The following ETF1 variants were observed in gnomAD, a reference collection of about 807,000 sequenced individuals.
ETF1 encodes the protein eukaryotic translation termination factor 1.
Under a neutral mutation model 55.1 loss-of-function variants are expected in ETF1, and 4 were observed. The ratio of observed to expected loss-of-function variants is 0.07; its 90% CI spans 0.04 to 0.17. The LOEUF (loss-of-function observed/expected upper bound fraction) is 0.17. Ranked by LOEUF, ETF1 falls within the 10% of genes least tolerant of loss-of-function variation. ETF1 has a pLI of 1.00. For missense variants in ETF1, 142 were observed against 523.6 expected (o/e 0.27, Z 7.11); for synonymous variants, 157 against 182.3 (o/e 0.86, Z 1.12).
intron 2 of ETF1, among the ~76,000 whole-genome samples, chr5:138,527,782 T>A (rs553106001): frequency 3.3e-5 from 5 of 152,208 alleles, no homozygotes; most frequent in African/African-American, 1.2e-4. Context: ...TCTTTTCTTT[T>A]TTTTTTTGAG....
intron 10 of ETF1, 41 bp from the exon 11 acceptor site, chr5:138,508,428 G>T: frequency 1.9e-6 from 3 of 1,610,628 alleles, no homozygotes; most frequent in Non-Finnish European, 2.5e-6. Context: ...TGTGTTCATG[G>T]GATGGGCATG....
intron 2 of ETF1, among the ~76,000 whole-genome samples, chr5:138,526,552 C>T (rs1324813362): frequency 1.3e-5 from 2 of 152,054 alleles, no homozygotes; most frequent in Non-Finnish European, 2.9e-5. Context: ...CCCCCTGCCC[C>T]CCAGGATGGA....
At chr5:138,541,303 T>A (rs1766162218) in intron 2 of ETF1, among the ~76,000 whole-genome samples, 1 of 152,154 alleles carries the variant, frequency 6.6e-6, no homozygotes, top group South Asian at 2.1e-4. Flanking sequence ...CAAGTTCCTG[T>A]AAGATCATTA....
intron 2 of ETF1, chr5:138,529,687 T>TCAAA: frequency 1.0e-6 from 1 of 984,820 alleles, no homozygotes; most frequent in Non-Finnish European, 1.2e-6. Flanking sequence ...GTCTGAAAAA[T>TCAAA]CAAACAGGTG....
chr5:138,542,612 C>A lies in ETF1; in HGVS notation c.86+221G>T, dbSNP rs528946435. On this transcript the variant is annotated intron_variant, in intron 2 of 10. Coordinates refer to ENST00000360541, the MANE Select transcript of ETF1 (RefSeq NM_004730.4). The stretch of plus-strand genomic sequence containing the variant: ...CACGAGGGGGGCCGAGTGATCTAAA[C>A]CGGGGAGCGCGGGCCCCTTACCCCC... 1.8e-5 allele frequency: 25 copies of A among 1,418,394 alleles called. No homozygotes were observed. In the Admixed American group the frequency reaches 7.0e-4, roughly 40 times the overall value. The allele number at this position is 1,418,394 out of a possible 1,614,324, so 87.9% of individuals were successfully genotyped here.
rs1765424503 is a variant in ETF1, at chr5:138,525,354, C to T, written c.87-6487G>A. Among the ~76,000 whole-genome samples the T allele has an allele frequency of 1.3e-5, 2 of 151,562 alleles. 1 individual carries two copies. Among genetic ancestry groups the T allele is most frequent in the Non-Finnish European group, 2.9e-5 (2 of 67,888 alleles). On this transcript the variant is annotated intron_variant, in intron 2 of 10. Coordinates refer to ENST00000360541, the MANE Select transcript of ETF1 (RefSeq NM_004730.4). ...TGTATTTTTAGTAGAGATAAGGTTT[C>T]ACTATGTTGGCCAGGCTGGTCTCGA...
intron 2 of ETF1, chr5:138,529,805 T>A: frequency 1.5e-6 from 1 of 680,944 alleles, no homozygotes; most frequent in Non-Finnish European, 1.8e-6. Flanking sequence ...CAGACTGGAG[T>A]GCAGTGGCAC....
intron 2 of ETF1, among the ~76,000 whole-genome samples, chr5:138,524,123 T>C (rs1765353849): frequency 6.6e-6 from 1 of 151,532 alleles, no homozygotes. Context: ...GAGGCAGAGG[T>C]TGCGGTGCAG....
At chr5:138,528,898 G>GACAT (rs1428725289) in intron 2 of ETF1, among the ~76,000 whole-genome samples, 1 of 152,088 alleles carries the variant, frequency 6.6e-6, no homozygotes, top group Non-Finnish European at 1.5e-5. Flanking sequence ...TGTAATCCCA[G>GACAT]GACTTTGGGA....
At chr5:138,542,580 G>A in intron 2 of ETF1, 1 of 1,364,648 alleles carries the variant, frequency 7.3e-7, no homozygotes, top group Admixed American at 3.1e-5. Context: ...AAGTAGCGGT[G>A]GCCTACCACG....
In ETF1 at chr5:138,508,262, T is replaced by G. The variant is rs745841566; in HGVS notation, c.*43A>C. On this transcript the variant is annotated 3_prime_UTR_variant, in exon 11 of 11. Transcript: ENST00000360541. ...CCATGGGTATGCTCCTTGGGTTGGA[T>G]GCTGGAGGGTGAGGCACGTTTTGCC... is the stretch of plus-strand genomic sequence containing the variant. The G allele has an allele frequency of 6.2e-7, 1 of 1,601,632 alleles. No individual in the cohort carries two copies. Among genetic ancestry groups the G allele is most frequent in the Non-Finnish European group, 8.5e-7 (1 of 1,174,008 alleles).
At chr5:138,537,379 G>T (rs1252374414) in intron 2 of ETF1, among the ~76,000 whole-genome samples, 2 of 152,136 alleles carry the variant, frequency 1.3e-5, no homozygotes, top group Non-Finnish European at 2.9e-5. Flanking sequence ...TCTCTATGTG[G>T]CAAATGTGGT....
chr5:138,510,129 A>T (rs1386966568), intron 9 of ETF1, among the ~76,000 whole-genome samples: 4 of 151,542 alleles, frequency 2.6e-5, no homozygotes, highest in Non-Finnish European at 5.9e-5. Context: ...GGCCGAGGTA[A>T]GTGGATTGCT....
At chr5:138,517,856 C>T (rs1282543662) in intron 3 of ETF1, 156 bp from the exon 4 acceptor site, 17 of 984,728 alleles carry the variant, frequency 1.7e-5, no homozygotes, top group Non-Finnish European at 2.0e-5. Context: ...GCAGAACTCT[C>T]TCCCTAATTT....
At chr5:138,510,926 G>A (rs1327373899) in intron 8 of ETF1, 119 bp downstream of exon 8, 2 of 1,498,812 alleles carry the variant, frequency 1.3e-6, no homozygotes, top group Admixed American at 2.4e-5. Context: ...TGAAGGACTG[G>A]GGAACAATGG....
At chr5:138,510,684 G>T in intron 8 of ETF1, 55 bp from the exon 9 acceptor site, 1 of 1,600,400 alleles carries the variant, frequency 6.2e-7, no homozygotes, top group Non-Finnish European at 8.5e-7. Context: ...ACTAATCTGT[G>T]TAAGCTCCAT....
chr5:138,539,115 A>G (rs892335337), intron 2 of ETF1, among the ~76,000 whole-genome samples: 1 of 152,218 alleles, frequency 6.6e-6, no homozygotes, highest in Non-Finnish European at 1.5e-5. Flanking sequence ...TGTTCATTGG[A>G]TAAGAAACAC....
chr5:138,522,581 TAAAAA>T (rs200019732), intron 2 of ETF1, among the ~76,000 whole-genome samples: 6 of 140,864 alleles, frequency 4.3e-5, no homozygotes, highest in Non-Finnish European at 9.3e-5. Flanking sequence ...TTCATAATAG[TAAAAA>T]AAAAAACAAA....
intron 2 of ETF1, among the ~76,000 whole-genome samples, chr5:138,526,855 C>G (rs1647467538): frequency 6.6e-6 from 1 of 152,102 alleles, no homozygotes; most frequent in Non-Finnish European, 1.5e-5. Context: ...CGCATGCAAC[C>G]ACACCCAGCT....
Sources: allele counts gnomAD v4.1 joint callset (sites outside exome capture counted in the v4.1 genomes callset), GRCh38; gene constraint gnomAD v4.1.1; transcripts MANE v1.5; gene names NCBI Gene and HGNC (gene_info 2026-07-23, HGNC 2026-07-21).